FAM168A: variants seen among roughly 807,000 people sequenced by gnomAD.
FAM168A encodes the protein protein FAM168A.
In FAM168A, 3 loss-of-function variants were observed where a neutral mutation model predicts 28.5. The observed-to-expected ratio is 0.11, with a 90% CI of 0.05 to 0.27. The LOEUF is 0.27. Ranked by LOEUF, FAM168A falls within the 10% of genes least tolerant of loss-of-function variation. The pLI is 1.00. For synonymous variants in FAM168A, 122 were observed against 124.2 expected (o/e 0.98, Z 0.12); for missense variants, 222 against 311.5 (o/e 0.71, Z 2.16).
rs181548152 is a variant in FAM168A, at chr11:73,488,303, G to T, written c.-18-19811C>A. On this transcript the variant is annotated intron_variant, in intron 1 of 7. Transcript: ENST00000356467. ...CTGCCACCGTACTTGGCTAATGTTTGTATTTTTAGTAGAGACAGGGTTTCA... is the reference window on the plus strand; with the variant it reads ...CTGCCACCGTACTTGGCTAATGTTTTTATTTTTAGTAGAGACAGGGTTTCA... 2.1e-3 allele frequency among the ~76,000 whole-genome samples: 312 copies of T among 152,074 alleles called. 2 individuals carry two copies. Among genetic ancestry groups the T allele is most frequent in the South Asian group, 0.011 (54 of 4,816 alleles).
chr11:73,532,379 T>C (rs1459100371), intron 1 of FAM168A, among the ~76,000 whole-genome samples: 1 of 152,150 alleles, frequency 6.6e-6, no homozygotes, highest in African/African-American at 2.4e-5. Context: ...CTGAATTGCC[T>C]GGATAAACTC....
intron 3 of FAM168A, chr11:73,424,897 G>T: frequency 2.7e-6 from 2 of 727,940 alleles, no homozygotes; most frequent in Non-Finnish European, 4.3e-6. Flanking sequence ...CTGCTGCTGA[G>T]CCACCTGGGG....
intron 1 of FAM168A, among the ~76,000 whole-genome samples, chr11:73,504,224 A>G (rs1044306695): frequency 6.6e-6 from 1 of 152,216 alleles, no homozygotes; most frequent in African/African-American, 2.4e-5. Context: ...AGCAACCTAC[A>G]GAATGGGAGA....
At chr11:73,414,300 A>AGT (rs1357960516) in intron 4 of FAM168A, among the ~76,000 whole-genome samples, 1 of 152,252 alleles carries the variant, frequency 6.6e-6, no homozygotes, top group Non-Finnish European at 1.5e-5. Flanking sequence ...CTACAATGGT[A>AGT]GTCACTGACA....
At chr11:73,442,996 A>ATATATATG (rs1486968655) in intron 2 of FAM168A, among the ~76,000 whole-genome samples, 1 of 130,368 alleles carries the variant, frequency 7.7e-6, no homozygotes, top group African/African-American at 2.9e-5. Flanking sequence ...ATATATATAT[A>ATATATATG]TGCCAAGCCT....
intron 1 of FAM168A, among the ~76,000 whole-genome samples, chr11:73,512,875 T>C (rs1284039594): frequency 1.3e-5 from 2 of 152,196 alleles, no homozygotes; most frequent in South Asian, 2.1e-4. Context: ...TTTAGTTGAA[T>C]TGAACTGAAA....
intron 1 of FAM168A, among the ~76,000 whole-genome samples, chr11:73,477,234 G>C (rs181341587): frequency 6.6e-6 from 1 of 151,904 alleles, no homozygotes; most frequent in East Asian, 1.9e-4. Context: ...GGTTGAAGGA[G>C]GGTGAAAGTC....
intron 1 of FAM168A, among the ~76,000 whole-genome samples, chr11:73,593,637 G>C (rs536006289): frequency 4.6e-5 from 7 of 152,274 alleles, no homozygotes; most frequent in African/African-American, 1.2e-4. Flanking sequence ...AGAACTCATT[G>C]GTAGGGCACA....
chr11:73,427,146 C>T (rs1051698399), intron 3 of FAM168A, among the ~76,000 whole-genome samples: 2 of 152,006 alleles, frequency 1.3e-5, no homozygotes, highest in Non-Finnish European at 2.9e-5. Flanking sequence ...CACGTGCCAC[C>T]ACGCCTGGCT....
At chr11:73,559,697 G>A (rs939729936) in intron 1 of FAM168A, among the ~76,000 whole-genome samples, 1 of 152,134 alleles carries the variant, frequency 6.6e-6, no homozygotes, top group African/African-American at 2.4e-5. Context: ...TCAATGTTTT[G>A]GAACTAGACA....
At chr11:73,443,482 G>A (rs1259489130) in intron 2 of FAM168A, among the ~76,000 whole-genome samples, 2 of 152,186 alleles carry the variant, frequency 1.3e-5, no homozygotes, top group African/African-American at 4.8e-5. Context: ...GAAGAGGGAA[G>A]AAAGACGAAA....
At chr11:73,592,802 G>C (rs1403311284) in intron 1 of FAM168A, among the ~76,000 whole-genome samples, 1 of 151,690 alleles carries the variant, frequency 6.6e-6, no homozygotes, top group Non-Finnish European at 1.5e-5. Context: ...GCCTGCATTT[G>C]TAAGCACTTT....
At chr11:73,432,035 T>C (rs1211708593) in intron 2 of FAM168A, among the ~76,000 whole-genome samples, 1 of 152,232 alleles carries the variant, frequency 6.6e-6, no homozygotes, top group Non-Finnish European at 1.5e-5. Context: ...CCATTTGTCC[T>C]TTTGTGTCTG....
intron 1 of FAM168A, among the ~76,000 whole-genome samples, chr11:73,496,114 C>T (rs78409452): frequency 0.014 from 2,138 of 152,172 alleles, 31 homozygotes; most frequent in African/African-American, 0.042. Context: ...CACCCACACA[C>T]GCATGATGGA....
chr11:73,455,525 C>G (rs1474138663), intron 2 of FAM168A, among the ~76,000 whole-genome samples: 2 of 152,218 alleles, frequency 1.3e-5, no homozygotes. Flanking sequence ...GCACATCCCT[C>G]TGAGATAGTA....
At chr11:73,501,081 T>C (rs1211546244) in intron 1 of FAM168A, among the ~76,000 whole-genome samples, 1 of 148,738 alleles carries the variant, frequency 6.7e-6, no homozygotes, top group African/African-American at 2.5e-5. Flanking sequence ...CCAACAAAGA[T>C]CAAAAAAGAC....
rs1202743245 is a variant in FAM168A at position 73,411,402 on chromosome 11, A to G, written c.412T>C (p.Tyr138His). ...CTTTGACATGTACCTACCTGGGCAT[A>G]CAGATTCTGCTGGGGGTAGGCACTT... Reference protein sequence around the residue: ...IRSAYPQQNLYAQGAYYTQPV... With the variant: ...IRSAYPQQNLHAQGAYYTQPV... The change falls in exon 5 of 8, where the codon TAT (tyrosine) becomes CAT (histidine). Residue 138 changes from tyrosine to histidine, a missense_variant. Physicochemically the swap from Tyr to His is moderately conservative, Grantham distance 83. This residue lies in a region of FAM168A where 153 missense variants were observed against 189.2 expected (regional missense o/e 0.81). Coordinates refer to ENST00000356467, the MANE Select transcript of FAM168A (RefSeq NM_015159.3). 6.2e-7 allele frequency: 1 copy of G among 1,601,730 alleles called. No homozygotes were observed. The highest frequency in any genetic ancestry group is 1.7e-5 in the Admixed American group (1 of 59,084).
chr11:73,568,626 A>G (rs1372708792), intron 1 of FAM168A, among the ~76,000 whole-genome samples: 1 of 152,170 alleles, frequency 6.6e-6, no homozygotes, highest in Non-Finnish European at 1.5e-5. Context: ...GTCGGGGGTA[A>G]TGGCTCACAC....
At chr11:73,425,905 G>T (rs1285567047) in intron 3 of FAM168A, among the ~76,000 whole-genome samples, 2 of 152,200 alleles carry the variant, frequency 1.3e-5, no homozygotes, top group African/African-American at 4.8e-5. Flanking sequence ...TTTGAACAAA[G>T]TTGGAGGCAA....
Sources: allele counts gnomAD v4.1 joint callset (sites outside exome capture counted in the v4.1 genomes callset), GRCh38; gene constraint gnomAD v4.1.1; regional missense constraint gnomAD v4.1.1; transcripts MANE v1.5; gene names NCBI Gene and HGNC (gene_info 2026-07-23, HGNC 2026-07-21).